The following TMEM263 variants were observed in gnomAD, a reference collection of about 807,000 sequenced individuals.
TMEM263 encodes UPF0444 transmembrane protein C12orf23.
A neutral mutation model predicts 8.6 loss-of-function variants in TMEM263; 5 were observed. The ratio of observed to expected loss-of-function variants is 0.58; its 90% CI spans 0.31 to 1.23. TMEM263 has a LOEUF of 1.23. TMEM263 is among the 50% of genes most tolerant of loss of function. TMEM263 has a pLI of 0.07. For missense variants in TMEM263, 104 were observed against 138.8 expected (o/e 0.75, Z 1.26); for synonymous variants, 50 against 47.9 (o/e 1.04, Z -0.18).
chr12:106,956,989 C>T lies in TMEM263; in HGVS notation c.-74-93C>T, dbSNP rs1294726708. 3 of 792,162 alleles carry T rather than the reference C, an allele frequency of 3.8e-6. No individual in the cohort carries two copies. The African/African-American group carries it at 5.6e-5, about 15-fold the overall frequency. The allele number at this position is 792,162 out of a possible 1,614,324, so 49.1% of individuals were successfully genotyped here. A position where few individuals can be genotyped will look rare whatever the true frequency, so the allele number is the denominator to read the frequency against. Reference sequence around the variant, plus strand: ...AACACCTAGAGAAAAGGGAAGGGTTCTTAATTTGATTTTTGCGTCCTTGTG... The same window carrying T: ...AACACCTAGAGAAAAGGGAAGGGTTTTTAATTTGATTTTTGCGTCCTTGTG... On this transcript the variant is annotated intron_variant, in intron 1 of 3. Transcript: ENST00000280756.
chr12:106,973,694 TAGAA>T lies in TMEM263; in HGVS notation c.*2307_*2310del, dbSNP rs992246421. ...GTACTTGAGTCTTTTTTAGTTTACT[TAGAA>T]AGACTAGCAGTTTGACCTGTTAAAC... is the stretch of plus-strand genomic sequence containing the variant. On this transcript the variant is annotated 3_prime_UTR_variant, in exon 4 of 4. Transcript: ENST00000280756. The T allele has an allele frequency of 1.3e-5, 2 of 152,576 alleles. No individual in the cohort carries two copies. The highest frequency in any genetic ancestry group is 2.4e-5 in the African/African-American group (1 of 41,462). 9.5% of individuals were successfully genotyped at this position (152,576 alleles called of 1,614,324 possible).
rs551867189 is a variant in TMEM263 at position 106,956,087 on chromosome 12, G to A, written c.-75+22G>A. 2.3e-5 allele frequency: 22 copies of A among 975,968 alleles called. No homozygotes were observed. The East Asian group carries it at 2.3e-3, about 102-fold the overall frequency. 60.5% of individuals were successfully genotyped at this position (975,968 alleles called of 1,614,324 possible). On this transcript the variant is annotated intron_variant, in intron 1 of 3. Transcript: ENST00000280756. ...GGCGGTGAGTGAGTCGGGATGCGAG[G>A]GCAGGGGCGCAGTCCCGGCTTCCTG...
chr12:106,958,808 G>C (rs1196256065), intron 2 of TMEM263, among the ~76,000 whole-genome samples: 1 of 152,200 alleles, frequency 6.6e-6, no homozygotes. Flanking sequence ...ATGAGGTCTT[G>C]CTGTGTTGCC....
chr12:106,962,669 A>G (rs1051414333), intron 2 of TMEM263, among the ~76,000 whole-genome samples: 26 of 152,110 alleles, frequency 1.7e-4, no homozygotes, highest in African/African-American at 5.1e-4. Context: ...CTTAAATCCA[A>G]TTGCCTGCTG....
At chr12:106,956,423 C>T (rs1263183059) in intron 1 of TMEM263, among the ~76,000 whole-genome samples, 1 of 152,144 alleles carries the variant, frequency 6.6e-6, no homozygotes, top group Non-Finnish European at 1.5e-5. Flanking sequence ...AGCGGAGGGG[C>T]TTGGGTACCG....
chr12:106,966,868 A>G (rs1254672611), intron 2 of TMEM263: 1 of 392,402 alleles, frequency 2.5e-6, no homozygotes, highest in Non-Finnish European at 4.5e-6. Context: ...AACTTATACT[A>G]TGACTGCCAC....
chr12:106,962,854 C>G (rs1001699519), intron 2 of TMEM263, among the ~76,000 whole-genome samples: 1 of 152,144 alleles, frequency 6.6e-6, no homozygotes, highest in African/African-American at 2.4e-5. Context: ...CTACTTCTGA[C>G]AAAAAATTCA....
chr12:106,970,978 A>G (rs1951911999), intron 3 of TMEM263, 127 bp from the exon 4 acceptor site: 1 of 834,276 alleles, frequency 1.2e-6, no homozygotes, highest in East Asian at 2.5e-5. Flanking sequence ...TCTTTGAATC[A>G]GTGTGGTTGG....
At chr12:106,967,321 C>T (rs1053080175) in intron 3 of TMEM263, 141 bp downstream of exon 3, 19 of 536,166 alleles carry the variant, frequency 3.5e-5, no homozygotes, top group East Asian at 3.3e-4. Context: ...TGCAATGGCA[C>T]GATCTTGGCC....
intron 2 of TMEM263, among the ~76,000 whole-genome samples, chr12:106,957,911 G>C (rs1951722263): frequency 6.6e-6 from 1 of 152,164 alleles, no homozygotes; most frequent in South Asian, 2.1e-4. Flanking sequence ...TTGATAGTTG[G>C]TTTAACTAGA....
intron 2 of TMEM263, 83 bp from the exon 3 acceptor site, chr12:106,967,028 T>C: frequency 6.9e-6 from 6 of 872,230 alleles, no homozygotes; most frequent in Admixed American, 2.4e-5. Flanking sequence ...ATAATGTTGA[T>C]GAAATCGCAA....
rs1314851860 is a variant in TMEM263, at chr12:106,969,402, C to G, written c.65-1703C>G. Among the ~76,000 whole-genome samples, 5 of 152,214 alleles carry G rather than the reference C, an allele frequency of 3.3e-5. No homozygotes were observed. The East Asian group carries it at 9.6e-4, about 29-fold the overall frequency. On this transcript the variant is annotated intron_variant, in intron 3 of 3. Coordinates refer to ENST00000280756, the MANE Select transcript of TMEM263 (RefSeq NM_152261.4). ...TTTTTCCATGAAGTTTAGAAAAACA[C>G]TAATGCTTATGTGTTGTTGCTGCTT...
intron 3 of TMEM263, 67 bp downstream of exon 3, chr12:106,967,247 T>A (rs759576985): frequency 2.0e-6 from 2 of 1,025,498 alleles, no homozygotes; most frequent in Non-Finnish European, 2.9e-6. Context: ...TAGTTTTTAT[T>A]TTTTACTTAT....
At chr12:106,956,298 G>T (rs973220986) in intron 1 of TMEM263, among the ~76,000 whole-genome samples, 1 of 152,192 alleles carries the variant, frequency 6.6e-6, no homozygotes, top group Non-Finnish European at 1.5e-5. Flanking sequence ...GCCCCGCCGC[G>T]ATTGGAGCTT....
intron 2 of TMEM263, among the ~76,000 whole-genome samples, chr12:106,958,275 G>T (rs1401783534): frequency 6.6e-6 from 1 of 151,974 alleles, no homozygotes; most frequent in Non-Finnish European, 1.5e-5. Flanking sequence ...GGTACCCAGA[G>T]GAAAATTTAT....
At chr12:106,959,028 A>G (rs1293510356) in intron 2 of TMEM263, among the ~76,000 whole-genome samples, 1 of 152,260 alleles carries the variant, frequency 6.6e-6, no homozygotes, top group Non-Finnish European at 1.5e-5. Flanking sequence ...AGTGCCGGAA[A>G]AGTCTATTCC....
intron 2 of TMEM263, among the ~76,000 whole-genome samples, chr12:106,965,050 C>T (rs1295455627): frequency 6.6e-6 from 1 of 151,996 alleles, no homozygotes; most frequent in Non-Finnish European, 1.5e-5. Context: ...AAGCCACTCT[C>T]CATCATCACC....
intron 2 of TMEM263, among the ~76,000 whole-genome samples, chr12:106,962,936 G>C (rs1951798958): frequency 6.6e-6 from 1 of 152,204 alleles, no homozygotes; most frequent in Non-Finnish European, 1.5e-5. Flanking sequence ...CCAAGCGTTT[G>C]TTCTCATGGA....
At chr12:106,968,966 T>A (rs1951881584) in intron 3 of TMEM263, among the ~76,000 whole-genome samples, 1 of 152,194 alleles carries the variant, frequency 6.6e-6, no homozygotes, top group South Asian at 2.1e-4. Flanking sequence ...ATATTAAGTC[T>A]TTTACTTCAG....
Sources: gnomAD v4.1 joint callset for allele counts (sites outside exome capture counted in the v4.1 genomes callset) on GRCh38, gnomAD v4.1.1 for gene constraint, MANE v1.5 for transcripts, NCBI Gene and HGNC (gene_info 2026-07-23, HGNC 2026-07-21) for gene names.